The following PVT1 variants were observed in gnomAD, a reference collection of about 807,000 sequenced individuals.
PVT1 encodes the protein CXCR4/PVT1 fusion.
chr8:127,931,763 C>T (rs546804999), intron 3 of PVT1, among the ~76,000 whole-genome samples: 4 of 152,244 alleles, frequency 2.6e-5, no homozygotes, highest in African/African-American at 9.6e-5. Context: ...GCAGAACTCC[C>T]GTCCAGACCT....
At chr8:127,913,805 G>A (rs571590744) in intron 3 of PVT1, among the ~76,000 whole-genome samples, 11 of 152,086 alleles carry the variant, frequency 7.2e-5, no homozygotes, top group South Asian at 4.2e-4. Flanking sequence ...AACCTTCCTC[G>A]AAAGTGCCGT....
intron 3 of PVT1, among the ~76,000 whole-genome samples, chr8:127,897,394 A>C (rs931579109): frequency 1.3e-5 from 2 of 152,116 alleles, no homozygotes; most frequent in Non-Finnish European, 2.9e-5. Flanking sequence ...TCAGCTGTCC[A>C]TAGGAAGAGC....
intron 3 of PVT1, among the ~76,000 whole-genome samples, chr8:127,950,118 C>T (rs1816487696): frequency 6.6e-6 from 1 of 152,216 alleles, no homozygotes; most frequent in Non-Finnish European, 1.5e-5. Flanking sequence ...TGAATCTTCT[C>T]ATTTAATCCT....
intron 3 of PVT1, among the ~76,000 whole-genome samples, chr8:127,897,614 GGAAAGAAA>G (rs201321738): frequency 1.5e-5 from 2 of 135,060 alleles, no homozygotes; most frequent in Non-Finnish European, 3.1e-5. Flanking sequence ...AAGGAAGAAA[GGAAAGAAA>G]GAAAGAAAGA....
chr8:127,969,535 T>C (rs1816740549), intron 3 of PVT1, among the ~76,000 whole-genome samples: 1 of 152,106 alleles, frequency 6.6e-6, no homozygotes, highest in African/African-American at 2.4e-5. Flanking sequence ...CATCCTCAGA[T>C]TGGTATGCAG....
intron 2 of PVT1, among the ~76,000 whole-genome samples, chr8:127,881,062 G>A (rs950404533): frequency 6.6e-6 from 1 of 152,244 alleles, no homozygotes; most frequent in African/African-American, 2.4e-5. Context: ...TGCCCATGAA[G>A]GTGCCTGCTG....
At chr8:127,927,446 C>T (rs957531224) in intron 3 of PVT1, among the ~76,000 whole-genome samples, 13 of 152,138 alleles carry the variant, frequency 8.5e-5, no homozygotes, top group African/African-American at 3.1e-4. Context: ...GTCAAAAAGC[C>T]CCATTGTAAG....
In PVT1 at chr8:128,098,355, A is replaced by G. The variant is rs571024246; in HGVS notation, n.1251+1701A>G. ...AGATGGGATGGTGCCTCTGTGATCA[A>G]CAGGCCTGGCAGAGGGGTGCAGGAG... On this transcript the variant is annotated intron_variant and non_coding_transcript_variant, in intron 6 of 10. Coordinates refer to ENST00000651587, the Ensembl canonical transcript of PVT1. 2.0e-5 allele frequency among the ~76,000 whole-genome samples: 3 copies of G among 152,292 alleles called. No homozygotes were observed. The South Asian group carries it at 6.2e-4, about 32-fold the overall frequency.
chr8:127,842,567 G>T (rs1814985357), intron 2 of PVT1, among the ~76,000 whole-genome samples: 1 of 152,000 alleles, frequency 6.6e-6, no homozygotes, highest in South Asian at 2.1e-4. Flanking sequence ...TGCATGGCCT[G>T]TGTTGAATTT....
chr8:127,944,346 G>A (rs1210997890), intron 3 of PVT1, among the ~76,000 whole-genome samples: 3 of 152,146 alleles, frequency 2.0e-5, no homozygotes, highest in African/African-American at 7.2e-5. Context: ...GGCTGAGCAT[G>A]GATTGTGATT....
chr8:127,883,434 A>G (rs1815491824), intron 2 of PVT1, among the ~76,000 whole-genome samples: 1 of 152,014 alleles, frequency 6.6e-6, no homozygotes, highest in Non-Finnish European at 1.5e-5. Context: ...GGCCTCAGCT[A>G]GTGGAAATAC....
At chr8:127,953,053 C>T (rs552500477) in intron 3 of PVT1, among the ~76,000 whole-genome samples, 3 of 152,112 alleles carry the variant, frequency 2.0e-5, no homozygotes, top group East Asian at 3.9e-4. Flanking sequence ...CGTGAGCCAC[C>T]GCGTCCGGCC....
intron 3 of PVT1, among the ~76,000 whole-genome samples, chr8:127,900,737 T>G (rs551657289): frequency 1.3e-5 from 2 of 152,282 alleles, no homozygotes; most frequent in African/African-American, 4.8e-5. Flanking sequence ...TCTGGGTGTG[T>G]CCCAGGAGTA....
intron 3 of PVT1, among the ~76,000 whole-genome samples, chr8:127,958,611 G>C (rs1816599711): frequency 5.9e-5 from 9 of 152,180 alleles, no homozygotes; most frequent in Admixed American, 5.9e-4. Context: ...TTCCAGGGGA[G>C]GAAACTGAGG....
intron 3 of PVT1, among the ~76,000 whole-genome samples, chr8:127,936,737 C>T (rs753179042): frequency 2.6e-5 from 4 of 152,172 alleles, no homozygotes; most frequent in Non-Finnish European, 4.4e-5. Context: ...TTGAGGGTGC[C>T]TTTAGGAAGG....
chr8:127,993,544 T>C (rs565051015), intron 4 of PVT1, among the ~76,000 whole-genome samples: 126 of 152,394 alleles, frequency 8.3e-4, no homozygotes, highest in African/African-American at 2.8e-3. Context: ...CATTTCACTT[T>C]CCTGAACATC....
At chr8:127,980,175 C>A (rs1816867441) in intron 3 of PVT1, among the ~76,000 whole-genome samples, 1 of 152,136 alleles carries the variant, frequency 6.6e-6, no homozygotes, top group South Asian at 2.1e-4. Flanking sequence ...AACCACTGTG[C>A]CTGGCCAAAT....
chr8:127,882,025 C>T (rs61628192), intron 2 of PVT1, among the ~76,000 whole-genome samples: 3,576 of 152,316 alleles, frequency 0.023, 135 homozygotes, highest in African/African-American at 0.079. Context: ...CAGGCATGAG[C>T]CGCTGTGCCC....
intron 3 of PVT1, among the ~76,000 whole-genome samples, chr8:127,934,817 T>A (rs1816253022): frequency 6.6e-6 from 1 of 152,136 alleles, no homozygotes; most frequent in Non-Finnish European, 1.5e-5. Flanking sequence ...GGAGCTGGGC[T>A]GGGACTGATC....
Sources: allele counts gnomAD v4.1 joint callset (sites outside exome capture counted in the v4.1 genomes callset), GRCh38; gene constraint gnomAD v4.1.1; transcripts MANE v1.5; gene names NCBI Gene and HGNC (gene_info 2026-07-23, HGNC 2026-07-21).